SREBF2: variants seen among roughly 807,000 people sequenced by gnomAD.
The protein encoded by SREBF2 is sterol regulatory element-binding protein 2.
SREBF2 carries 55 observed loss-of-function variants against 113.1 expected under a neutral mutation model. The ratio of observed to expected loss-of-function variants is 0.49; its 90% confidence interval spans 0.39 to 0.61. The LOEUF is 0.61. Ranked by LOEUF, SREBF2 falls within the 20% of genes least tolerant of loss-of-function variation. SREBF2 has a pLI of 0.00. For synonymous variants in SREBF2, 593 were observed against 605.7 expected, an observed-to-expected ratio of 0.98 and a Z score of 0.31; for missense variants, 1,349 against 1,487.4, an observed-to-expected ratio of 0.91 and a Z score of 1.53.
At chr22:41,835,371 C>T (rs542525666) in intron 1 of SREBF2, among the ~76,000 whole-genome samples, 277 of 146,502 alleles carry the variant, frequency 1.9e-3, no homozygotes, top group Non-Finnish European at 3.5e-3. Flanking sequence ...AGTGCAATGG[C>T]GCGATCTCGG....
intron 1 of SREBF2, among the ~76,000 whole-genome samples, chr22:41,840,499 C>T (rs2076819421): frequency 1.3e-5 from 2 of 152,196 alleles, no homozygotes; most frequent in African/African-American, 4.8e-5. Context: ...CCTCCAGTGG[C>T]TTCCTGAGAA....
At chr22:41,875,049 T>TG (rs2077182236) in intron 5 of SREBF2, among the ~76,000 whole-genome samples, 2 of 152,258 alleles carry the variant, frequency 1.3e-5, no homozygotes, top group Non-Finnish European at 2.9e-5. Flanking sequence ...GTCAACTATT[T>TG]GCCAGGCTCA....
In SREBF2 at chr22:41,868,744, C is replaced by T; in HGVS notation, c.672C>T (p.Ala224=). The change falls in exon 3 of 19, where the codon GCC becomes GCT. Residue 224 remains alanine, a synonymous_variant. Transcript: ENST00000361204. ...QTANGTLQTL[A]PATVQTVAAP... is the part of the protein sequence containing the mutation. ...CCAATGGCACGCTGCAGACCCTTGC[C>T]CCGGCTACGGTGCAGACAGTTGCTG... 4 of 1,614,024 alleles carry T rather than the reference C, an allele frequency of 2.5e-6. No individual in the cohort carries two copies. Among genetic ancestry groups the T allele is most frequent in the South Asian group, 2.2e-5 (2 of 91,062 alleles).
At chr22:41,890,559 G>T (rs1170370898) in intron 11 of SREBF2, among the ~76,000 whole-genome samples, 1 of 152,168 alleles carries the variant, frequency 6.6e-6, no homozygotes. Flanking sequence ...TGGGGTTCTT[G>T]CCACAGCCTC....
rs1214473430 is a variant in SREBF2 at position 41,833,120 on chromosome 22, C to A, written c.-151C>A. ...CCGCCCCGCCCTTTCTGTGCGGCGCCCGGGCGCAACGCAAACATGGCGGCG... is the reference window on the plus strand; with the variant it reads ...CCGCCCCGCCCTTTCTGTGCGGCGCACGGGCGCAACGCAAACATGGCGGCG... On this transcript the variant is annotated 5_prime_UTR_variant, in exon 1 of 19. Transcript: ENST00000361204. This position sits in a 1 kb window ranked among gnomAD's most constrained non-coding sequence, Gnocchi z 4.1. 3 of 554,230 alleles carry A rather than the reference C, an allele frequency of 5.4e-6. No individual in the cohort carries two copies. Among genetic ancestry groups the A allele is most frequent in the Middle Eastern group, 5.0e-4 (1 of 2,008 alleles). The allele number at this position is 554,230 out of a possible 1,614,324, so 34.3% of individuals were successfully genotyped here. A position where few individuals can be genotyped will look rare whatever the true frequency, so the allele number is the denominator to read the frequency against.
chr22:41,897,512 C>G (rs925725915), intron 14 of SREBF2, among the ~76,000 whole-genome samples: 4 of 152,208 alleles, frequency 2.6e-5, no homozygotes, highest in Admixed American at 6.5e-5. Context: ...GCCCCTGAGG[C>G]AGCTCTTGGG....
In SREBF2 at chr22:41,884,926, T is replaced by C. The variant is rs2077285976; in HGVS notation, c.2123T>C (p.Ile708Thr). 6.2e-7 allele frequency: 1 copy of C among 1,614,114 alleles called. No homozygotes were observed. The highest frequency in any genetic ancestry group is 1.3e-5 in the African/African-American group (1 of 75,026). Residue 708 changes from isoleucine to threonine, a missense_variant, in exon 11 of 19, where the codon ATC becomes ACC. This residue lies in a region of SREBF2 where 650 missense variants were observed against 644.1 expected (regional missense o/e 1.01). Transcript: ENST00000361204. ...CTGGCTGAATGTGCAGAGGAGAAGA[T>C]CCCACCGAGCACACTGGTTGAGATC... ...VNLAECAEEK[I>T]PPSTLVEIHL...
At chr22:41,892,747 A>G (rs1181190724) in intron 11 of SREBF2, among the ~76,000 whole-genome samples, 2 of 151,728 alleles carry the variant, frequency 1.3e-5, no homozygotes, top group African/African-American at 4.8e-5. Flanking sequence ...TACAGCAGCC[A>G]GGGGGCCCCT....
At chr22:41,904,416 C>G (rs2077488332) in intron 17 of SREBF2, 1 of 378,332 alleles carries the variant, frequency 2.6e-6, no homozygotes, top group African/African-American at 2.1e-5. Context: ...CCGCACACCT[C>G]TAGACTCTCT....
chr22:41,898,659 C>G lies in SREBF2; in HGVS notation c.2616C>G (p.Ile872Met). 6.2e-7 allele frequency: 1 copy of G among 1,614,000 alleles called. No individual in the cohort carries two copies. The highest frequency in any genetic ancestry group is 8.5e-7 in the Non-Finnish European group (1 of 1,179,992). ...SVLKSALGPD[I>M]ICRWWTSAIT... is the part of the protein sequence containing the mutation. ...GCTGTTCTCCTCTAGGTCCAGACAT[C>G]ATCTGTCGGTGGTGGACGTCTGCAA... is the stretch of plus-strand genomic sequence containing the variant. Residue 872 changes from isoleucine (I) to methionine (M), a missense_variant, in exon 15 of 19, where the codon ATC (isoleucine) becomes ATG (methionine). By Grantham distance (10) the Ile-to-Met change is conservative (BLOSUM62 1). Transcript: ENST00000361204.
At chr22:41,859,100 GC>G (rs2077002499) in intron 1 of SREBF2, among the ~76,000 whole-genome samples, 1 of 150,722 alleles carries the variant, frequency 6.6e-6, no homozygotes, top group African/African-American at 2.4e-5. Flanking sequence ...TCCAGCCTGG[GC>G]GACAGAGCAA....
At chr22:41,843,121 T>C (rs1214055787) in intron 1 of SREBF2, among the ~76,000 whole-genome samples, 5 of 152,242 alleles carry the variant, frequency 3.3e-5, no homozygotes, top group Admixed American at 3.3e-4. Flanking sequence ...TGTTGTCAAG[T>C]GACACATGAC....
At chr22:41,901,614 T>C (rs985348336) in intron 16 of SREBF2, among the ~76,000 whole-genome samples, 2 of 152,198 alleles carry the variant, frequency 1.3e-5, no homozygotes, top group East Asian at 1.9e-4. Context: ...TGAGTCGAGA[T>C]TGCACCACTG....
rs75718913 is a variant in SREBF2, at chr22:41,834,347, A to T, written c.88+989A>T. On this transcript the variant is annotated intron_variant, in intron 1 of 18. Transcript: ENST00000361204. ...CTTTGTATTATTTCACTTCTTCCTCACAACAATCCTGTGAGATACTCTTAT... is the reference window on the plus strand; with the variant it reads ...CTTTGTATTATTTCACTTCTTCCTCTCAACAATCCTGTGAGATACTCTTAT... 2.2e-4 allele frequency: 5 copies of T among 22,424 alleles called. No individual in the cohort carries two copies. The African/African-American group carries it at 2.3e-3, about 10-fold the overall frequency. The allele number at this position is 22,424 out of a possible 1,614,324, so 1.4% of individuals were successfully genotyped here.
At chr22:41,876,222 TAA>T (rs1245478220) in intron 7 of SREBF2, among the ~76,000 whole-genome samples, 2 of 152,218 alleles carry the variant, frequency 1.3e-5, no homozygotes, top group African/African-American at 4.8e-5. Flanking sequence ...TGGAATTACT[TAA>T]GAGACGCTCT....
In SREBF2 at chr22:41,867,004, G is replaced by T. The variant is rs777325974; in HGVS notation, c.262G>T (p.Val88Leu). ...GSSSGAVDPS[V>L]QRSFTQVTLP... ...CAGCAGCGGAGCTGTGGACCCTTCA[G>T]TGCAACGGTCATTCACCCAGGTCAC... Residue 88 changes from valine to leucine, a missense_variant, in exon 2 of 19, where the codon GTG (valine) becomes TTG (leucine). Coordinates refer to ENST00000361204, the MANE Select transcript of SREBF2 (RefSeq NM_004599.4). 2.2e-5 allele frequency: 36 copies of T among 1,613,924 alleles called. No individual in the cohort carries two copies. Among genetic ancestry groups the T allele is most frequent in the Non-Finnish European group, 1.7e-6 (2 of 1,179,910 alleles).
At position 41,846,451 on chromosome 22, in the gene SREBF2, A is replaced by G. The variant is rs1294227222; in HGVS notation, c.88+13093A>G. Among the ~76,000 whole-genome samples, 11 of 152,210 alleles carry G rather than the reference A, an allele frequency of 7.2e-5. No individual in the cohort carries two copies. The East Asian group carries it at 9.6e-4, about 13-fold the overall frequency. The stretch of plus-strand genomic sequence containing the variant: ...CCTTCCCTCACATGAGGACTGCCCA[A>G]TGGGGATTCTCCAAAGGAAGATCAG... On this transcript the variant is annotated intron_variant, in intron 1 of 18. Transcript: ENST00000361204.
chr22:41,902,597 C>T (rs73165116), intron 16 of SREBF2, among the ~76,000 whole-genome samples: 9,450 of 152,254 alleles, frequency 0.062, 320 homozygotes, highest in Non-Finnish European at 0.079. Context: ...GGTATCTCAG[C>T]CTCCTAGCCA....
In SREBF2 at chr22:41,871,054, C is replaced by G; in HGVS notation, c.867+19C>G. 6.2e-7 allele frequency: 1 copy of G among 1,613,978 alleles called. No homozygotes were observed. Among genetic ancestry groups the G allele is most frequent in the East Asian group, 2.2e-5 (1 of 44,876 alleles). ...AGTACCAGTAAGAGCTGCCTTCTCCCCCACCCTCCTCCCTCCCCCTTTATT... is the reference window on the plus strand; with the variant it reads ...AGTACCAGTAAGAGCTGCCTTCTCCGCCACCCTCCTCCCTCCCCCTTTATT... On this transcript the variant is annotated intron_variant, in intron 4 of 18. Transcript: ENST00000361204.
Sources: gnomAD v4.1 joint callset for allele counts (sites outside exome capture counted in the v4.1 genomes callset) on GRCh38, gnomAD v4.1.1 for gene constraint, gnomAD v4.1.1 regional missense constraint, Gnocchi (gnomAD v3.1) non-coding constraint, MANE v1.5 for transcripts, NCBI Gene and HGNC (gene_info 2026-07-23, HGNC 2026-07-21) for gene names.